PCDHGB7: variants seen among roughly 807,000 people sequenced by gnomAD.
The protein encoded by PCDHGB7 is protocadherin gamma subfamily B, 7.
A neutral mutation model predicts 61.4 loss-of-function variants in PCDHGB7; 37 were observed. That is an observed-to-expected ratio of 0.60 (90% CI 0.46 to 0.79). The LOEUF (loss-of-function observed/expected upper bound fraction) is 0.79. Ranked by LOEUF, PCDHGB7 falls within the 30% of genes least tolerant of loss-of-function variation. PCDHGB7 has a pLI of 0.00. For synonymous variants in PCDHGB7, 464 were observed against 503.5 expected (o/e 0.92, Z 1.05); for missense variants, 1,166 against 1,202.5 (o/e 0.97, Z 0.45).
At chr5:141,445,508 T>C (rs2098468947) in intron 1 of PCDHGB7, among the ~76,000 whole-genome samples, 1 of 152,200 alleles carries the variant, frequency 6.6e-6, no homozygotes, top group Non-Finnish European at 1.5e-5. Context: ...TAATACATGA[T>C]ATTTTACAGG....
In PCDHGB7 at chr5:141,505,574, CCT is replaced by C. The variant is rs562555098; in HGVS notation, c.2563+94_2563+95del. 5.3e-5 allele frequency: 85 copies of C among 1,593,636 alleles called. No individual in the cohort carries two copies. The African/African-American group carries it at 1.0e-3, about 20-fold the overall frequency. On this transcript the variant is annotated intron_variant, in intron 3 of 3. Coordinates refer to ENST00000398594, the MANE Select transcript of PCDHGB7 (RefSeq NM_018927.4). ...CCATGCCCACGGACTGGATGTCAAACCTGTGTAGTTTCTCCAGATCTTTCGGC... is the reference window on the plus strand; with the variant it reads ...CCATGCCCACGGACTGGATGTCAAACGTGTAGTTTCTCCAGATCTTTCGGC...
chr5:141,422,472 G>A lies in PCDHGB7; in HGVS notation c.2415+2198G>A, dbSNP rs772474296. On this transcript the variant is annotated intron_variant, in intron 1 of 3. Transcript: ENST00000398594. ...CAAGCAGAGTGCTGGACAGGGAGTTGGTCCAGAGCTACAATATAACGTTGA... is the reference window on the plus strand; with the variant it reads ...CAAGCAGAGTGCTGGACAGGGAGTTAGTCCAGAGCTACAATATAACGTTGA... 75 of 1,613,562 alleles carry A rather than the reference G, an allele frequency of 4.6e-5. 3 individuals are homozygous for A. In the South Asian group the frequency reaches 8.1e-4, roughly 17 times the overall value.
chr5:141,480,224 T>G (rs2099514647), intron 1 of PCDHGB7, among the ~76,000 whole-genome samples: 1 of 146,584 alleles, frequency 6.8e-6, no homozygotes, highest in Non-Finnish European at 1.5e-5. Context: ...AGCGACATAG[T>G]GAGATCCTGT....
intron 1 of PCDHGB7, chr5:141,430,693 C>A: frequency 1.4e-6 from 2 of 1,425,428 alleles, no homozygotes; most frequent in Admixed American, 2.6e-5. Context: ...ATTCTATGGG[C>A]GAAGGAACTG....
chr5:141,428,563 G>A, intron 1 of PCDHGB7: 2 of 237,566 alleles, frequency 8.4e-6, no homozygotes, highest in East Asian at 1.1e-4. Flanking sequence ...CCCCCCACAA[G>A]ATCTTTCTAA....
intron 1 of PCDHGB7, among the ~76,000 whole-genome samples, chr5:141,444,408 T>G (rs1591815532): frequency 6.6e-6 from 1 of 152,124 alleles, no homozygotes; most frequent in East Asian, 1.9e-4. Context: ...CAACCTCAGG[T>G]GATCTTCCCT....
At chr5:141,451,352 A>G (rs2098714151) in intron 1 of PCDHGB7, among the ~76,000 whole-genome samples, 1 of 152,232 alleles carries the variant, frequency 6.6e-6, no homozygotes, top group Non-Finnish European at 1.5e-5. Flanking sequence ...AAGGGTCAAC[A>G]GAGGATGGAT....
chr5:141,489,846 T>C lies in PCDHGB7; in HGVS notation c.2416-4961T>C. The C allele has an allele frequency of 6.2e-7, 1 of 1,614,190 alleles. No individual in the cohort carries two copies. The highest frequency in any genetic ancestry group is 1.1e-5 in the South Asian group (1 of 91,088). ...TGGTGCTAGAGCAGCAGCTGGATCG[T>C]GAAGCCCAGGCAAGACATCAGCTGG... is the stretch of plus-strand genomic sequence containing the variant. On this transcript the variant is annotated intron_variant, in intron 1 of 3. Coordinates refer to ENST00000398594, the MANE Select transcript of PCDHGB7 (RefSeq NM_018927.4). This position sits in a 1 kb window ranked among gnomAD's most constrained non-coding sequence, Gnocchi z 4.5.
In PCDHGB7 at chr5:141,493,103, A is replaced by G. The variant is rs1396614836; in HGVS notation, c.2416-1704A>G. Among the ~76,000 whole-genome samples the G allele has an allele frequency of 6.6e-6, 1 of 152,086 alleles. No homozygotes were observed. The highest frequency in any genetic ancestry group is 1.5e-5 in the Non-Finnish European group (1 of 68,022). On this transcript the variant is annotated intron_variant, in intron 1 of 3. Transcript: ENST00000398594. The surrounding 1 kb of genome is among the most constrained non-coding windows in gnomAD (Gnocchi z 4.3). ...AGGAGCTTTTATTCAAAATATATCA[A>G]TGCCTAACTCTGCTCCTAGGACTGT...
rs753030509 is a variant in PCDHGB7, at chr5:141,431,672, G to A, written c.2415+11398G>A. On this transcript the variant is annotated intron_variant, in intron 1 of 3. Transcript: ENST00000398594. The surrounding 1 kb of genome is among the most constrained non-coding windows in gnomAD (Gnocchi z 4.8). ...TAATTCAGGGACAATATCAACAATA[G>A]GGGAGTTGGACCACGAGGAGTCAGG... The A allele has an allele frequency of 9.3e-6, 15 of 1,614,110 alleles. No homozygotes were observed. Among genetic ancestry groups the A allele is most frequent in the African/African-American group, 4.0e-5 (3 of 74,948 alleles).
chr5:141,481,288 A>AGTC (rs2099535099), intron 1 of PCDHGB7, among the ~76,000 whole-genome samples: 1 of 152,188 alleles, frequency 6.6e-6, no homozygotes, highest in Admixed American at 6.5e-5. Flanking sequence ...ATGGTATTTC[A>AGTC]GTCATCTAAG....
intron 3 of PCDHGB7, among the ~76,000 whole-genome samples, chr5:141,506,564 G>A (rs984395438): frequency 5.3e-5 from 8 of 152,016 alleles, no homozygotes; most frequent in East Asian, 1.9e-4. Context: ...AAACCCCCTC[G>A]GTTTCACTTA....
intron 1 of PCDHGB7, among the ~76,000 whole-genome samples, chr5:141,438,591 CATATAT>C (rs946798767): frequency 1.2e-3 from 91 of 75,538 alleles, no homozygotes; most frequent in Non-Finnish European, 1.7e-3. Flanking sequence ...TACATACATA[CATATAT>C]ATATATATAT....
chr5:141,427,161 G>A (rs1561826750), intron 1 of PCDHGB7: 1 of 456,698 alleles, frequency 2.2e-6, no homozygotes, highest in Non-Finnish European at 4.4e-6. Flanking sequence ...GTTTGTGCTA[G>A]ACCATCAAAA....
intron 1 of PCDHGB7, among the ~76,000 whole-genome samples, chr5:141,446,664 G>A (rs116573282): frequency 0.012 from 1,821 of 152,192 alleles, 38 homozygotes; most frequent in African/African-American, 0.042. Context: ...TTTAGTACAA[G>A]ACAGCATTTC....
intron 1 of PCDHGB7, among the ~76,000 whole-genome samples, chr5:141,446,430 T>A (rs1468987045): frequency 6.6e-6 from 1 of 152,058 alleles, no homozygotes; most frequent in Non-Finnish European, 1.5e-5. Flanking sequence ...ATTTGAAGGA[T>A]CTGAGAAACA....
Position 141,423,758 on chromosome 5 carries a change from GGGT to G in PCDHGB7, c.2415+3487_2415+3489del, listed in dbSNP as rs776356896. The G allele has an allele frequency of 7.0e-4, 256 of 366,834 alleles. 2 individuals are homozygous for G. The highest frequency in any genetic ancestry group is 6.8e-3 in the African/African-American group (232 of 34,230). The allele number at this position is 366,834 out of a possible 1,614,324, so 22.7% of individuals were successfully genotyped here. A position where few individuals can be genotyped will look rare whatever the true frequency, so the allele number is the denominator to read the frequency against. ...CTGTTATGAAAACTGTTTGGGGGGG[GGGT>G]GGGGCGGCATATATTTAGTTCATAT... On this transcript the variant is annotated intron_variant, in intron 1 of 3. Coordinates refer to ENST00000398594, the MANE Select transcript of PCDHGB7 (RefSeq NM_018927.4).
rs956295940 is a variant in PCDHGB7 at position 141,477,700 on chromosome 5, G to T, written c.2416-17107G>T. The T allele has an allele frequency of 1.2e-6, 2 of 1,613,954 alleles. No individual in the cohort carries two copies. Among genetic ancestry groups the T allele is most frequent in the African/African-American group, 2.7e-5 (2 of 74,928 alleles). On this transcript the variant is annotated intron_variant, in intron 1 of 3. Coordinates refer to ENST00000398594, the MANE Select transcript of PCDHGB7 (RefSeq NM_018927.4). This position sits in a 1 kb window ranked among gnomAD's most constrained non-coding sequence, Gnocchi z 4.9. ...CATCCTTAGTGCCCCTAGACTATGAGGATCGGCGGGAATTTGAATTAACAG... is the reference window on the plus strand; with the variant it reads ...CATCCTTAGTGCCCCTAGACTATGATGATCGGCGGGAATTTGAATTAACAG...
chr5:141,444,588 A>G (rs1486905298), intron 1 of PCDHGB7, among the ~76,000 whole-genome samples: 1 of 152,138 alleles, frequency 6.6e-6, no homozygotes, highest in Non-Finnish European at 1.5e-5. Flanking sequence ...CTTTCTACTT[A>G]CCTTATTTAA....
Sources: allele counts gnomAD v4.1 joint callset (sites outside exome capture counted in the v4.1 genomes callset), GRCh38; gene constraint gnomAD v4.1.1; non-coding constraint Gnocchi (gnomAD v3.1); transcripts MANE v1.5; gene names NCBI Gene and HGNC (gene_info 2026-07-23, HGNC 2026-07-21).